The following ZC3H12B variants were observed in gnomAD, a reference collection of about 807,000 sequenced individuals.
ZC3H12B encodes the protein probable ribonuclease ZC3H12B.
Under a neutral mutation model 43.9 loss-of-function variants are expected in ZC3H12B, and 7 were observed. That is an observed-to-expected ratio of 0.16 (90% CI 0.09 to 0.30). The LOEUF is 0.30. ZC3H12B is among the 10% of genes least tolerant of loss of function. ZC3H12B has a pLI of 1.00. For missense variants in ZC3H12B, 475 were observed against 670.2 expected (o/e 0.71, Z 3.22); for synonymous variants, 222 against 241.7 (o/e 0.92, Z 0.76).
At chrX:65,171,101 TGGA>T in the ZC3H12B span, among the ~76,000 whole-genome samples, 1 of 111,896 alleles carries the variant, frequency 8.9e-6, no homozygotes, top group South Asian at 3.7e-4. Flanking sequence ...TGTGTTTTTT[TGGA>T]GGAGAAGAGG....
intron 3 of ZC3H12B, among the ~76,000 whole-genome samples, chrX:65,474,406 T>C (rs1204416007): frequency 9.0e-6 from 1 of 111,241 alleles, no homozygotes; most frequent in Non-Finnish European, 1.9e-5. Flanking sequence ...TCCTGTTTTT[T>C]TAAAATCTAT....
At chrX:65,227,390 C>G in the ZC3H12B span, among the ~76,000 whole-genome samples, 1 of 111,551 alleles carries the variant, frequency 9.0e-6, no homozygotes, top group Non-Finnish European at 1.9e-5. Context: ...GCAGTGTGTA[C>G]AGGGAAATTT....
At chrX:65,324,835 G>A in the ZC3H12B span, among the ~76,000 whole-genome samples, 14 of 109,910 alleles carry the variant, frequency 1.3e-4, no homozygotes, top group South Asian at 5.0e-3. Context: ...TGTTGTTTGA[G>A]TCTTCTGTTT....
chrX:65,108,213 G>GA, the ZC3H12B span, among the ~76,000 whole-genome samples: 5 of 111,023 alleles, frequency 4.5e-5, no homozygotes, highest in South Asian at 1.9e-3. Context: ...TTAGGCTACA[G>GA]AAAATTTATT....
the ZC3H12B span, among the ~76,000 whole-genome samples, chrX:65,144,160 A>G: frequency 2.1e-4 from 23 of 111,671 alleles, no homozygotes; most frequent in Admixed American, 2.0e-3. Flanking sequence ...TGTTTTAATT[A>G]CAATTTCAAT....
At chrX:65,304,313 CAA>C in the ZC3H12B span, among the ~76,000 whole-genome samples, 1 of 108,803 alleles carries the variant, frequency 9.2e-6, no homozygotes, top group African/African-American at 3.3e-5. Context: ...TAACCATATG[CAA>C]AAAAAAAGAA....
At chrX:65,435,625 C>T (rs2067210195) in intron 3 of ZC3H12B, among the ~76,000 whole-genome samples, 1 of 105,639 alleles carries the variant, frequency 9.5e-6, no homozygotes, top group Admixed American at 1.1e-4. Flanking sequence ...CAACGTTCTC[C>T]AGAGAAACAG....
At chrX:65,121,997 C>T in the ZC3H12B span, among the ~76,000 whole-genome samples, 13 of 111,618 alleles carry the variant, frequency 1.2e-4, no homozygotes, top group Admixed American at 1.9e-4. Flanking sequence ...TTTTATTGCA[C>T]TGTGGTCTGA....
the ZC3H12B span, among the ~76,000 whole-genome samples, chrX:65,227,086 T>C: frequency 1.8e-5 from 2 of 111,635 alleles, no homozygotes; most frequent in Non-Finnish European, 3.8e-5. Flanking sequence ...TACATTTTTT[T>C]CAGCACCACA....
the ZC3H12B span, among the ~76,000 whole-genome samples, chrX:65,270,497 A>G: frequency 9.0e-6 from 1 of 111,718 alleles, no homozygotes; most frequent in African/African-American, 3.3e-5. Flanking sequence ...ATATCATACC[A>G]AAAGCTCAGA....
the ZC3H12B span, among the ~76,000 whole-genome samples, chrX:65,357,757 G>A: frequency 4.0e-3 from 449 of 111,659 alleles, 4 homozygotes; most frequent in African/African-American, 0.014. Context: ...TGTAAAGGCC[G>A]TAAACACTAT....
the ZC3H12B span, among the ~76,000 whole-genome samples, chrX:65,255,797 C>G: frequency 8.9e-6 from 1 of 112,112 alleles, no homozygotes. Flanking sequence ...AGACCCATTT[C>G]ACATGCAATA....
At chrX:65,437,597 G>A (rs953633218) in intron 3 of ZC3H12B, among the ~76,000 whole-genome samples, 1 of 111,763 alleles carries the variant, frequency 8.9e-6, no homozygotes. Flanking sequence ...TATATTTTTA[G>A]ATTTTTTTCT....
At chrX:65,127,633 G>T in the ZC3H12B span, among the ~76,000 whole-genome samples, 17 of 111,231 alleles carry the variant, frequency 1.5e-4, no homozygotes, top group Admixed American at 5.7e-4. Context: ...GGTAGAGAAA[G>T]ACCACCTGGT....
chrX:65,111,685 ATATC>A, the ZC3H12B span, among the ~76,000 whole-genome samples: 3 of 110,007 alleles, frequency 2.7e-5, no homozygotes, highest in Non-Finnish European at 5.7e-5. Flanking sequence ...CATTGTCATT[ATATC>A]TATTATGGTG....
chrX:65,324,904 C>A, the ZC3H12B span, among the ~76,000 whole-genome samples: 1 of 110,078 alleles, frequency 9.1e-6, no homozygotes, highest in Admixed American at 9.7e-5. Flanking sequence ...TTTAAGTACC[C>A]TACTCTTATT....
exon 1 of ZC3H12B, chrX:65,489,222 G>T (rs1450107872): frequency 8.3e-7 from 1 of 1,209,899 alleles, no homozygotes; most frequent in Admixed American, 2.2e-5. Flanking sequence ...TATTAATGAT[G>T]TATTGGCAGA....
chrX:65,186,833 T>A, the ZC3H12B span, among the ~76,000 whole-genome samples: 2 of 112,216 alleles, frequency 1.8e-5, no homozygotes, highest in Admixed American at 1.9e-4. Flanking sequence ...TAGTCTCCAA[T>A]TCAATGCAGG....
At chrX:65,203,481 G>A in the ZC3H12B span, among the ~76,000 whole-genome samples, 1 of 110,479 alleles carries the variant, frequency 9.1e-6, no homozygotes, top group Admixed American at 9.8e-5. Context: ...TTTCTTCAAG[G>A]TGGCACATTC....
Sources: gnomAD v4.1 joint callset for allele counts (sites outside exome capture counted in the v4.1 genomes callset) on GRCh38, gnomAD v4.1.1 for gene constraint, MANE v1.5 for transcripts, NCBI Gene and HGNC (gene_info 2026-07-23, HGNC 2026-07-21) for gene names.